The following RIT2 variants were observed in gnomAD, a reference collection of about 807,000 sequenced individuals.
The protein encoded by RIT2 is GTP-binding protein Rit2.
Under a neutral mutation model 23.7 loss-of-function variants are expected in RIT2, and 24 were observed. That is an observed-to-expected ratio of 1.01 (90% CI 0.73 to 1.43). The LOEUF (loss-of-function observed/expected upper bound fraction) is 1.43. Ranked by LOEUF, RIT2 falls within the 40% of genes most tolerant of loss-of-function variation. RIT2 has a pLI of 0.00. For missense variants in RIT2, 236 were observed against 266.9 expected (o/e 0.88, Z 0.81); for synonymous variants, 107 against 91.1 (o/e 1.17, Z -0.99).
intron 3 of RIT2, among the ~76,000 whole-genome samples, chr18:42,950,738 G>A (rs1318418510): frequency 4.6e-5 from 7 of 151,484 alleles, no homozygotes; most frequent in Admixed American, 1.3e-4. Flanking sequence ...ATGGGCAAAA[G>A]ACATGAACAG....
intron 4 of RIT2, among the ~76,000 whole-genome samples, chr18:42,849,231 T>C (rs1297338105): frequency 6.6e-6 from 1 of 152,148 alleles, no homozygotes; most frequent in East Asian, 1.9e-4. Context: ...TAAAATTCAA[T>C]ATTTATAGGC....
chr18:42,795,526 GGC>G (rs1905318540), intron 4 of RIT2, among the ~76,000 whole-genome samples: 1 of 152,196 alleles, frequency 6.6e-6, no homozygotes, highest in Non-Finnish European at 1.5e-5. Context: ...CCCCTCCATG[GGC>G]TCCTGTGCGC....
At chr18:42,991,534 C>T (rs1910847939) in intron 2 of RIT2, among the ~76,000 whole-genome samples, 1 of 152,162 alleles carries the variant, frequency 6.6e-6, no homozygotes, top group African/African-American at 2.4e-5. Flanking sequence ...CATCATATCC[C>T]CTGTGACCTG....
chr18:42,860,765 G>C (rs990418003), intron 4 of RIT2, among the ~76,000 whole-genome samples: 1 of 152,130 alleles, frequency 6.6e-6, no homozygotes, highest in Non-Finnish European at 1.5e-5. Context: ...CTAGAGTTAA[G>C]GCAGGGCCTG....
chr18:42,844,452 A>T (rs1441788238), intron 4 of RIT2, among the ~76,000 whole-genome samples: 16 of 152,136 alleles, frequency 1.1e-4, no homozygotes, highest in Non-Finnish European at 1.8e-4. Context: ...AAGTGATGGA[A>T]GTGGTTCTCA....
intron 4 of RIT2, among the ~76,000 whole-genome samples, chr18:42,856,991 G>A (rs1010965511): frequency 1.1e-4 from 16 of 151,942 alleles, no homozygotes; most frequent in African/African-American, 3.9e-4. Flanking sequence ...ACCACGCCCG[G>A]CTAATTTTTT....
At chr18:42,751,910 C>T (rs1458150472) in intron 4 of RIT2, among the ~76,000 whole-genome samples, 1 of 151,876 alleles carries the variant, frequency 6.6e-6, no homozygotes, top group Non-Finnish European at 1.5e-5. Context: ...CATACTTTAA[C>T]AATAAAGTTT....
chr18:42,813,545 C>T (rs569114760), intron 4 of RIT2, among the ~76,000 whole-genome samples: 1 of 152,068 alleles, frequency 6.6e-6, no homozygotes, highest in East Asian at 1.9e-4. Context: ...ATATCAAAAA[C>T]AGCCATATAA....
chr18:43,054,064 G>A (rs954486843), intron 1 of RIT2, among the ~76,000 whole-genome samples: 1 of 152,040 alleles, frequency 6.6e-6, no homozygotes, highest in African/African-American at 2.4e-5. Context: ...TTGACCACTT[G>A]CAATTCCCCA....
chr18:42,822,498 A>G (rs1332108881), intron 4 of RIT2, among the ~76,000 whole-genome samples: 3 of 152,120 alleles, frequency 2.0e-5, no homozygotes, highest in African/African-American at 4.8e-5. Flanking sequence ...TTCATCTGCA[A>G]TGGTTGGTTC....
intron 1 of RIT2, among the ~76,000 whole-genome samples, chr18:43,067,569 A>G (rs1912799983): frequency 6.6e-6 from 1 of 152,184 alleles, no homozygotes; most frequent in African/African-American, 2.4e-5. Context: ...GTAGATTTTA[A>G]AAGTTTTCAG....
intron 4 of RIT2, among the ~76,000 whole-genome samples, chr18:42,821,132 C>T (rs1052625594): frequency 6.6e-6 from 1 of 152,072 alleles, no homozygotes; most frequent in Admixed American, 6.6e-5. Context: ...CCAAAATAGG[C>T]CTTTTTATCT....
At chr18:43,065,420 G>A (rs182132387) in intron 1 of RIT2, among the ~76,000 whole-genome samples, 1 of 151,884 alleles carries the variant, frequency 6.6e-6, no homozygotes, top group East Asian at 1.9e-4. Context: ...TTCTAAACAT[G>A]CAAGGTAAAT....
intron 1 of RIT2, among the ~76,000 whole-genome samples, chr18:43,115,203 G>A (rs1914039849): frequency 6.6e-6 from 1 of 151,976 alleles, no homozygotes; most frequent in African/African-American, 2.4e-5. Context: ...TCCTCTTAAG[G>A]TTCTGAGGAT....
intron 1 of RIT2, among the ~76,000 whole-genome samples, chr18:43,068,911 C>T (rs1418409788): frequency 6.6e-6 from 1 of 152,046 alleles, no homozygotes; most frequent in East Asian, 1.9e-4. Context: ...ACCAGAGTGA[C>T]TCCATCTTGA....
At chr18:43,102,025 A>G (rs764029391) in intron 1 of RIT2, among the ~76,000 whole-genome samples, 1 of 152,234 alleles carries the variant, frequency 6.6e-6, no homozygotes, top group Non-Finnish European at 1.5e-5. Context: ...GTTTTCTAAT[A>G]ACGGCAACAA....
chr18:42,748,426 A>T (rs972010221), intron 4 of RIT2, among the ~76,000 whole-genome samples: 2 of 151,946 alleles, frequency 1.3e-5, no homozygotes, highest in Non-Finnish European at 2.9e-5. Flanking sequence ...TTATCAAAAA[A>T]AAACAAACAA....
At chr18:42,805,449 T>C (rs1905656914) in intron 4 of RIT2, among the ~76,000 whole-genome samples, 2 of 152,330 alleles carry the variant, frequency 1.3e-5, no homozygotes, top group Non-Finnish European at 1.5e-5. Flanking sequence ...TTATGGATAT[T>C]CTTTTTTGCT....
chr18:42,925,813 A>G (rs1358592321), intron 3 of RIT2, among the ~76,000 whole-genome samples: 2 of 151,660 alleles, frequency 1.3e-5, no homozygotes, highest in East Asian at 1.9e-4. Context: ...TCTAAACTCA[A>G]TGGGAAACAT....
Sources: allele counts gnomAD v4.1 joint callset (sites outside exome capture counted in the v4.1 genomes callset), GRCh38; gene constraint gnomAD v4.1.1; transcripts MANE v1.5; gene names NCBI Gene and HGNC (gene_info 2026-07-23, HGNC 2026-07-21).